The following TNFSF13 variants were observed in gnomAD, a reference collection of about 807,000 sequenced individuals.
TNFSF13 encodes the protein TNF superfamily member 13, also known as tumor necrosis factor ligand superfamily member 13.
Under a neutral mutation model 30.7 loss-of-function variants are expected in TNFSF13, and 18 were observed. That is an observed-to-expected ratio of 0.59 (90% confidence interval 0.41 to 0.87). The LOEUF (loss-of-function observed/expected upper bound fraction) is 0.87, where lower values mean the gene tolerates loss of function less well. Ranked by LOEUF, TNFSF13 falls within the 40% of genes least tolerant of loss-of-function variation. The pLI, the probability that TNFSF13 is intolerant of heterozygous loss-of-function variation, is 0.00. For synonymous variants in TNFSF13, 116 were observed against 123.2 expected (o/e 0.94, Z 0.39); for missense variants, 286 against 308.8 (o/e 0.93, Z 0.55).
At position 7,559,258 on chromosome 17, in the gene TNFSF13, G is replaced by C. The variant is rs751568083; in HGVS notation, c.219G>C (p.Gln73His). The part of the protein sequence containing the change: ...SRLQGTGGPS[Q>H]NGEGYPWQSL... ...TGCAGGGGACAGGAGGCCCCTCCCA[G>C]AATGGGGAAGGGTATCCCTGGCAGA... The change falls in exon 1 of 6, where the codon CAG becomes CAC. Residue 73 changes from glutamine to histidine, a missense_variant. Gln to His is a conservative substitution (Grantham distance 24). Coordinates refer to ENST00000338784, the MANE Select transcript of TNFSF13 (RefSeq NM_003808.4). This position sits in a 1 kb window ranked among gnomAD's most constrained non-coding sequence, Gnocchi z 5.4. 2 of 1,609,196 alleles carry C rather than the reference G, an allele frequency of 1.2e-6. No homozygotes were observed. The highest frequency in any genetic ancestry group is 2.2e-5 in the South Asian group (2 of 90,688).
At chr17:7,560,282 C>A in intron 4 of TNFSF13, 68 bp from the exon 5 acceptor site, 2 of 1,611,682 alleles carry the variant, frequency 1.2e-6, no homozygotes, top group Non-Finnish European at 1.7e-6. Context: ...CCCTCGTTAG[C>A]GCTCCTGAGG....
In TNFSF13 at chr17:7,561,194, C is replaced by G; in HGVS notation, c.*361C>G. ...CGCCGGTTGGCCGAAGTCCACGAAGCCGCCCTCTGCTAGGGAAAACCCCTG... is the reference window on the plus strand; with the variant it reads ...CGCCGGTTGGCCGAAGTCCACGAAGGCGCCCTCTGCTAGGGAAAACCCCTG... On this transcript the variant is annotated 3_prime_UTR_variant, in exon 6 of 6. Coordinates refer to ENST00000338784, the MANE Select transcript of TNFSF13 (RefSeq NM_003808.4). This position sits in a 1 kb window ranked among gnomAD's most constrained non-coding sequence, Gnocchi z 4.4. 1.2e-6 allele frequency: 1 copy of G among 839,842 alleles called. No individual in the cohort carries two copies. Among genetic ancestry groups the G allele is most frequent in the Non-Finnish European group, 1.9e-6 (1 of 528,172 alleles). The allele number at this position is 839,842 out of a possible 1,614,324, so 52.0% of individuals were successfully genotyped here.
In TNFSF13 at chr17:7,559,896, G is replaced by A. The variant is rs780750249; in HGVS notation, c.385+3G>A. 1 of 1,614,106 alleles carries A rather than the reference G, an allele frequency of 6.2e-7. No homozygotes were observed. The highest frequency in any genetic ancestry group is 8.5e-7 in the Non-Finnish European group (1 of 1,180,016). On this transcript the variant is annotated splice_donor_region_variant and intron_variant, in intron 3 of 5. Coordinates refer to ENST00000338784, the MANE Select transcript of TNFSF13 (RefSeq NM_003808.4). This position sits in a 1 kb window ranked among gnomAD's most constrained non-coding sequence, Gnocchi z 5.4. ...TCCCATTAACGCCACCTCCAAGGGT[G>A]AGCACTATTTTAAATAATGGCTTTG... is the stretch of plus-strand genomic sequence containing the variant.
In TNFSF13 at chr17:7,559,241, A is replaced by G; in HGVS notation, c.202A>G (p.Thr68Ala). ...LRREVSRLQG[T>A]GGPSQNGEGY... ...GAGAGAGGTGAGCCGGCTGCAGGGG[A>G]CAGGAGGCCCCTCCCAGAATGGGGA... Residue 68 changes from threonine (T) to alanine (A), a missense_variant, in exon 1 of 6, where the codon ACA (threonine) becomes GCA (alanine). Thr to Ala is a moderately conservative substitution (Grantham distance 58). Coordinates refer to ENST00000338784, the MANE Select transcript of TNFSF13 (RefSeq NM_003808.4). This position sits in a 1 kb window ranked among gnomAD's most constrained non-coding sequence, Gnocchi z 5.4. 6.2e-7 allele frequency: 1 copy of G among 1,610,048 alleles called. No homozygotes were observed. The highest frequency in any genetic ancestry group is 8.5e-7 in the Non-Finnish European group (1 of 1,179,208).
At position 7,559,764 on chromosome 17, in the gene TNFSF13, C is replaced by G. The variant is rs540054367; in HGVS notation, c.337+62C>G. 11 of 1,613,730 alleles carry G rather than the reference C, an allele frequency of 6.8e-6. No individual in the cohort carries two copies. The Admixed American group carries it at 1.5e-4, about 22-fold the overall frequency. ...TCAAGCAGCGTGGGGATTGTAAGCC[C>G]GAGTCAGGGTGAGGGTGGAGGCTGC... On this transcript the variant is annotated intron_variant, in intron 2 of 5. Transcript: ENST00000338784. This position sits in a 1 kb window ranked among gnomAD's most constrained non-coding sequence, Gnocchi z 5.4.
chr17:7,560,305 G>A (rs2071166492), intron 4 of TNFSF13, 45 bp from the exon 5 acceptor site: 1 of 1,613,190 alleles, frequency 6.2e-7, no homozygotes, highest in Non-Finnish European at 8.5e-7. Context: ...TCCCAGAACT[G>A]AGCCAGGCCA....
intron 5 of TNFSF13, 59 bp from the exon 6 acceptor site, chr17:7,560,665 G>A: frequency 1.9e-6 from 3 of 1,613,048 alleles, no homozygotes; most frequent in Non-Finnish European, 1.7e-6. Flanking sequence ...AAGGCAGGGG[G>A]AAACAGGGCA....
rs370125474 is a variant in TNFSF13 at position 7,559,805 on chromosome 17, G to A, written c.338-41G>A. 59 of 1,614,104 alleles carry A rather than the reference G, an allele frequency of 3.7e-5. No homozygotes were observed. In the African/African-American group the frequency reaches 6.0e-4, roughly 16 times the overall value. ...TGGAGGCTGCCAACAGCACAACGGG[G>A]GAAAGTGGATGCGGCTGAGATTCCC... is the stretch of plus-strand genomic sequence containing the variant. On this transcript the variant is annotated intron_variant, in intron 2 of 5. Coordinates refer to ENST00000338784, the MANE Select transcript of TNFSF13 (RefSeq NM_003808.4). The surrounding 1 kb of genome is among the most constrained non-coding windows in gnomAD (Gnocchi z 5.4).
chr17:7,559,207 G>C lies in TNFSF13; in HGVS notation c.168G>C (p.Gln56His), dbSNP rs773721715. 6.2e-7 allele frequency: 1 copy of C among 1,612,282 alleles called. No homozygotes were observed. Residue 56 changes from glutamine (Q) to histidine (H), a missense_variant, in exon 1 of 6, where the codon CAG (glutamine) becomes CAC (histidine). Gln to His is a conservative substitution (Grantham distance 24). Transcript: ENST00000338784. The surrounding 1 kb of genome is among the most constrained non-coding windows in gnomAD (Gnocchi z 5.4). ...TGCTGACCCAACAAACAGAGCTGCA[G>C]AGCCTCAGGAGAGAGGTGAGCCGGC... ...MALLTQQTEL[Q>H]SLRREVSRLQ...
In TNFSF13 at chr17:7,559,378, G is replaced by A; in HGVS notation, c.258+81G>A. 1 of 1,477,234 alleles carries A rather than the reference G, an allele frequency of 6.8e-7. No homozygotes were observed. Among genetic ancestry groups the A allele is most frequent in the Non-Finnish European group, 9.0e-7 (1 of 1,112,868 alleles). The allele number at this position is 1,477,234 out of a possible 1,614,324, so 91.5% of individuals were successfully genotyped here. The stretch of plus-strand genomic sequence containing the variant: ...GGCCTCCTGGTCTGCAAAGTTTCAA[G>A]GGGGTGCAAGAGAGGGTCTCCGGTT... On this transcript the variant is annotated intron_variant, in intron 1 of 5. Coordinates refer to ENST00000338784, the MANE Select transcript of TNFSF13 (RefSeq NM_003808.4). The surrounding 1 kb of genome is among the most constrained non-coding windows in gnomAD (Gnocchi z 5.4).
Position 7,559,316 on chromosome 17 carries a change from G to A in TNFSF13, c.258+19G>A, listed in dbSNP as rs1234222123. 4.4e-6 allele frequency: 7 copies of A among 1,577,300 alleles called. No individual in the cohort carries two copies. Among genetic ancestry groups the A allele is most frequent in the Non-Finnish European group, 6.0e-6 (7 of 1,159,084 alleles). On this transcript the variant is annotated intron_variant, in intron 1 of 5. Coordinates refer to ENST00000338784, the MANE Select transcript of TNFSF13 (RefSeq NM_003808.4). The surrounding 1 kb of genome is among the most constrained non-coding windows in gnomAD (Gnocchi z 5.4). ...GGAGCAGGTGAGTGAGGGGAGGAGG[G>A]TGTCTGGGAGAGGATGGTTAGCATG...
Position 7,559,716 on chromosome 17 carries a change from G to A in TNFSF13, c.337+14G>A. 6.2e-7 allele frequency: 1 copy of A among 1,613,922 alleles called. No homozygotes were observed. The highest frequency in any genetic ancestry group is 8.5e-7 in the Non-Finnish European group (1 of 1,179,956). On this transcript the variant is annotated intron_variant, in intron 2 of 5. Coordinates refer to ENST00000338784, the MANE Select transcript of TNFSF13 (RefSeq NM_003808.4). The surrounding 1 kb of genome is among the most constrained non-coding windows in gnomAD (Gnocchi z 5.4). ...AAAAACAGAAGAGTGAGGCTTCCAG[G>A]GTGCAGCAGGGGTGGGAGGTGATCA...
In TNFSF13 at chr17:7,560,872, G is replaced by T. The variant is rs771816593; in HGVS notation, c.*39G>T. 15 of 1,613,922 alleles carry T rather than the reference G, an allele frequency of 9.3e-6. No individual in the cohort carries two copies. Among genetic ancestry groups the T allele is most frequent in the African/African-American group, 2.7e-5 (2 of 74,908 alleles). On this transcript the variant is annotated 3_prime_UTR_variant, in exon 6 of 6. Transcript: ENST00000338784. ...AGTGGCTCCCAGCTTGGAAGACCAG[G>T]GTGGGTACATACTGGAGACAGCCAA... is the stretch of plus-strand genomic sequence containing the variant.
At chr17:7,560,588 C>T (rs1029887244) in intron 5 of TNFSF13, 100 bp downstream of exon 5, 4 of 1,607,636 alleles carry the variant, frequency 2.5e-6, no homozygotes, top group East Asian at 4.5e-5. Context: ...TAAACAGAGG[C>T]GGGTCTGAGG....
At position 7,559,745 on chromosome 17, in the gene TNFSF13, A is replaced by C; in HGVS notation, c.337+43A>C. ...CAGCAGGGGTGGGAGGTGATCAAGC[A>C]GCGTGGGGATTGTAAGCCCGAGTCA... On this transcript the variant is annotated intron_variant, in intron 2 of 5. Coordinates refer to ENST00000338784, the MANE Select transcript of TNFSF13 (RefSeq NM_003808.4). The surrounding 1 kb of genome is among the most constrained non-coding windows in gnomAD (Gnocchi z 5.4). 2.5e-6 allele frequency: 4 copies of C among 1,613,864 alleles called. No individual in the cohort carries two copies. Among genetic ancestry groups the C allele is most frequent in the Non-Finnish European group, 3.4e-6 (4 of 1,179,872 alleles).
Position 7,561,247 on chromosome 17 carries a change from TG to T in TNFSF13, c.*415del. 1.7e-6 allele frequency: 1 copy of T among 600,356 alleles called. No homozygotes were observed. Among genetic ancestry groups the T allele is most frequent in the Middle Eastern group, 4.5e-4 (1 of 2,220 alleles). 37.2% of individuals were successfully genotyped at this position (600,356 alleles called of 1,614,324 possible). On this transcript the variant is annotated 3_prime_UTR_variant, in exon 6 of 6. Coordinates refer to ENST00000338784, the MANE Select transcript of TNFSF13 (RefSeq NM_003808.4). The surrounding 1 kb of genome is among the most constrained non-coding windows in gnomAD (Gnocchi z 4.4). ...TCTCCATGCCACACCTCTCTCCAGG[TG>T]CCCTCTGCCTCTTCACCCCACAAGA... is the stretch of plus-strand genomic sequence containing the variant.
Position 7,561,331 on chromosome 17 carries a change from C to A in TNFSF13, c.*498C>A. 1 of 425,928 alleles carries A rather than the reference C, an allele frequency of 2.3e-6. No homozygotes were observed. Among genetic ancestry groups the A allele is most frequent in the Non-Finnish European group, 4.3e-6 (1 of 232,860 alleles). The allele number at this position is 425,928 out of a possible 1,614,324, so 26.4% of individuals were successfully genotyped here. A position where few individuals can be genotyped will look rare whatever the true frequency, so the allele number is the denominator to read the frequency against. On this transcript the variant is annotated 3_prime_UTR_variant, in exon 6 of 6. Transcript: ENST00000338784. The surrounding 1 kb of genome is among the most constrained non-coding windows in gnomAD (Gnocchi z 4.4). ...GGACCCCAGTTTCCATCACTATCTC[C>A]AGAGATGTAGCTATTATGCGCCCGT...
In TNFSF13 at chr17:7,561,284, T is replaced by G; in HGVS notation, c.*451T>G. The G allele has an allele frequency of 1.8e-6, 1 of 541,312 alleles. No homozygotes were observed. The allele number at this position is 541,312 out of a possible 1,614,324, so 33.5% of individuals were successfully genotyped here. ...CTTCACCCCACAAGAAGCCTTATCC[T>G]ACGTCCTTCTCTCCATCTATCGGAC... On this transcript the variant is annotated 3_prime_UTR_variant, in exon 6 of 6. Coordinates refer to ENST00000338784, the MANE Select transcript of TNFSF13 (RefSeq NM_003808.4). The surrounding 1 kb of genome is among the most constrained non-coding windows in gnomAD (Gnocchi z 4.4).
chr17:7,560,978 C>T lies in TNFSF13; in HGVS notation c.*145C>T, dbSNP rs1464378481. 6.2e-7 allele frequency: 1 copy of T among 1,614,174 alleles called. No homozygotes were observed. The highest frequency in any genetic ancestry group is 1.7e-5 in the Admixed American group (1 of 60,018). On this transcript the variant is annotated 3_prime_UTR_variant, in exon 6 of 6. Transcript: ENST00000338784. ...TTGGCTCCCCGTTCCTCACTTTTCCCTTTTCATTCCCACCCCCTAGACTTT... is the reference window on the plus strand; with the variant it reads ...TTGGCTCCCCGTTCCTCACTTTTCCTTTTTCATTCCCACCCCCTAGACTTT...
Sources: gnomAD v4.1 joint callset for allele counts on GRCh38, gnomAD v4.1.1 for gene constraint, Gnocchi (gnomAD v3.1) non-coding constraint, MANE v1.5 for transcripts, NCBI Gene and HGNC (gene_info 2026-07-23, HGNC 2026-07-21) for gene names.